PLCG2: variants seen among roughly 807,000 people sequenced by gnomAD.
PLCG2 encodes phospholipase C gamma 2.
Under a neutral mutation model 175.6 loss-of-function variants are expected in PLCG2, and 69 were observed. The observed-to-expected ratio is 0.39, with a 90% CI of 0.32 to 0.48. The LOEUF is 0.48. Among genes scored for constraint, PLCG2 ranks in the 20% least tolerant of loss-of-function variants. The probability of loss-of-function intolerance (pLI) is 0.91; values close to 1 mark genes in which losing one functional copy is unlikely to be tolerated. For synonymous variants in PLCG2, 827 were observed against 624.0 expected (o/e 1.33, Z -4.85); for missense variants, 1,798 against 1,650.9 (o/e 1.09, Z -1.54).
At chr16:81,932,333 C>T (rs1910536642) in intron 25 of PLCG2, among the ~76,000 whole-genome samples, 1 of 152,216 alleles carries the variant, frequency 6.6e-6, no homozygotes, top group South Asian at 2.1e-4. Flanking sequence ...GAGCCAAATT[C>T]CTAACTCACA....
At position 81,921,298 on chromosome 16, in the gene PLCG2, A is replaced by G. The variant is rs773305966; in HGVS notation, c.2307+29A>G. 5.5e-6 allele frequency: 8 copies of G among 1,464,440 alleles called. No individual in the cohort carries two copies. In the East Asian group the frequency reaches 1.6e-4, roughly 29 times the overall value. The allele number at this position is 1,464,440 out of a possible 1,614,324, so 90.7% of individuals were successfully genotyped here. ...CGGTGCCGAACCTCCAATTCACATG[A>G]TTTTGGAGTCACGAGGCTGATGTGG... On this transcript the variant is annotated intron_variant, in intron 21 of 32. Coordinates refer to ENST00000564138, the MANE Select transcript of PLCG2 (RefSeq NM_002661.5).
At chr16:81,914,577 AT>A (rs1011794702) in intron 19 of PLCG2, among the ~76,000 whole-genome samples, 1 of 151,988 alleles carries the variant, frequency 6.6e-6, no homozygotes, top group East Asian at 1.9e-4. Flanking sequence ...GGAAGTTTTT[AT>A]TTTTTAGAAG....
intron 1 of PLCG2, among the ~76,000 whole-genome samples, chr16:81,742,507 C>A (rs932281223): frequency 1.3e-5 from 2 of 152,198 alleles, no homozygotes; most frequent in African/African-American, 4.8e-5. Context: ...GTTTAGATGA[C>A]TTGGCAGAGT....
rs1143689 is a variant in PLCG2, at chr16:81,907,714, C to T, written c.1497C>T (p.Ala499=). 0.76 allele frequency: 1,232,402 copies of T among 1,612,556 alleles called. 474,023 individuals are homozygous for T. The highest frequency in any genetic ancestry group is 0.97 in the East Asian group (43,437 of 44,852). The part of the protein sequence containing the change: ...QKWTRHYCAI[A]DAKLSFSDDI... ...GGACTCGGCACTACTGCGCCATTGC[C>T]GATGCCAAGCTGTCCTTCAGTGATG... Residue 499 remains alanine (A), a synonymous_variant, in exon 16 of 33, where the codon GCC becomes GCT. Transcript: ENST00000564138.
At chr16:81,745,255 T>C (rs1425184471) in intron 1 of PLCG2, among the ~76,000 whole-genome samples, 1 of 152,130 alleles carries the variant, frequency 6.6e-6, no homozygotes, top group Non-Finnish European at 1.5e-5. Context: ...GGGAAGGGCA[T>C]ATGACCTAGT....
At chr16:81,862,914 T>C (rs56330703) in intron 5 of PLCG2, among the ~76,000 whole-genome samples, 51,941 of 151,480 alleles carry the variant, frequency 0.34, 10,136 homozygotes, top group Non-Finnish European at 0.46. Flanking sequence ...ACAACGAAAA[T>C]AAAAACAATT....
intron 2 of PLCG2, among the ~76,000 whole-genome samples, chr16:81,845,226 C>A (rs1906051898): frequency 6.6e-6 from 1 of 152,188 alleles, no homozygotes; most frequent in African/African-American, 2.4e-5. Flanking sequence ...TAGGCATGAG[C>A]CATTGTTCCC....
chr16:81,930,741 C>A, intron 24 of PLCG2, among the ~76,000 whole-genome samples: 1 of 77,052 alleles, frequency 1.3e-5, no homozygotes, highest in Non-Finnish European at 2.7e-5. Flanking sequence ...GAGTGCCACC[C>A]TGTCTCAAAA....
chr16:81,952,218 G>A (rs562560135), intron 31 of PLCG2, among the ~76,000 whole-genome samples: 1 of 151,974 alleles, frequency 6.6e-6, no homozygotes, highest in African/African-American at 2.4e-5. Context: ...ATTAATGTTG[G>A]ATTGGAATTG....
At chr16:81,893,105 C>T (rs187015077) in intron 11 of PLCG2, among the ~76,000 whole-genome samples, 25 of 152,242 alleles carry the variant, frequency 1.6e-4, no homozygotes, top group Admixed American at 2.6e-4. Flanking sequence ...GTGATCTGCC[C>T]GCCTCAGCCT....
At chr16:81,770,713 C>T (rs1683898429) in intron 2 of PLCG2, among the ~76,000 whole-genome samples, 1 of 152,048 alleles carries the variant, frequency 6.6e-6, no homozygotes, top group Non-Finnish European at 1.5e-5. Flanking sequence ...GAGTGAGACC[C>T]TGTATCAAAA....
rs868360634 is a variant in PLCG2 at position 81,881,449 on chromosome 16, C to G, written c.692+496C>G. Reference sequence around the variant, plus strand: ...ACTTATCAGGACATTCACTGTGCCTCATGATTTCCCAAGTGGGGAATTTCT... The same window carrying G: ...ACTTATCAGGACATTCACTGTGCCTGATGATTTCCCAAGTGGGGAATTTCT... On this transcript the variant is annotated intron_variant, in intron 8 of 32. Coordinates refer to ENST00000564138, the MANE Select transcript of PLCG2 (RefSeq NM_002661.5). 5.3e-5 allele frequency among the ~76,000 whole-genome samples: 8 copies of G among 152,200 alleles called. 1 individual carries two copies. Among genetic ancestry groups the G allele is most frequent in the African/African-American group, 1.7e-4 (7 of 41,448 alleles).
chr16:81,803,333 G>T (rs948857325), intron 2 of PLCG2, among the ~76,000 whole-genome samples: 4 of 151,816 alleles, frequency 2.6e-5, no homozygotes, highest in Admixed American at 2.6e-4. Context: ...TGTTAGCCAG[G>T]ATGCATCTCA....
intron 30 of PLCG2, among the ~76,000 whole-genome samples, chr16:81,945,113 G>A (rs1364808597): frequency 3.3e-5 from 5 of 152,200 alleles, no homozygotes; most frequent in Non-Finnish European, 5.9e-5. Context: ...GAACAGGTTT[G>A]TGTAAGAATG....
intron 2 of PLCG2, among the ~76,000 whole-genome samples, chr16:81,824,031 TTCCTTTCCTTTCCTTTCCTG>T (rs1238629650): frequency 6.3e-4 from 35 of 55,328 alleles, no homozygotes; most frequent in African/African-American, 2.3e-3. Flanking sequence ...TTCCTTTCCT[TTCCTTTCCTTTCCTTTCCTG>T]TCCTGTCCTG....
intron 2 of PLCG2, among the ~76,000 whole-genome samples, chr16:81,845,066 C>G (rs551334648): frequency 2.0e-5 from 3 of 152,316 alleles, no homozygotes; most frequent in South Asian, 4.1e-4. Flanking sequence ...GTAGCTGAGA[C>G]TACCAGTGTG....
chr16:81,935,920 A>C lies in PLCG2; in HGVS notation c.2843-249A>C, dbSNP rs138960735. ...AGGATGGTGATAGTTTAAAAAAAAA[A>C]GTAAATTACAGTAATTCTAGCCTAA... On this transcript the variant is annotated intron_variant, in intron 26 of 32. Transcript: ENST00000564138. The C allele has an allele frequency of 2.1e-3, 2,044 of 984,922 alleles. 27 individuals are homozygous for C. The African/African-American group carries it at 0.034, about 16-fold the overall frequency. 61.0% of individuals were successfully genotyped at this position (984,922 alleles called of 1,614,324 possible). A position where few individuals can be genotyped will look rare whatever the true frequency, so the allele number is the denominator to read the frequency against.
chr16:81,903,597 G>A (rs184492087), intron 14 of PLCG2, among the ~76,000 whole-genome samples: 123 of 152,348 alleles, frequency 8.1e-4, no homozygotes, highest in African/African-American at 2.9e-3. Flanking sequence ...CACCCAGGCA[G>A]TTGTTTCGGA....
upstream of PLCG2, among the ~76,000 whole-genome samples, chr16:81,777,047 T>C (rs1050886314): frequency 6.6e-6 from 1 of 152,208 alleles, no homozygotes; most frequent in African/African-American, 2.4e-5. Flanking sequence ...CAAACTGCCA[T>C]TTACGATGAC....
Sources: allele counts gnomAD v4.1 joint callset (sites outside exome capture counted in the v4.1 genomes callset), GRCh38; gene constraint gnomAD v4.1.1; transcripts MANE v1.5; gene names NCBI Gene and HGNC (gene_info 2026-07-23, HGNC 2026-07-21).